The following FHIT variants were observed in gnomAD, a reference collection of about 807,000 sequenced individuals.
FHIT encodes fragile histidine triad diadenosine triphosphatase.
FHIT carries 19 observed loss-of-function variants against 17.9 expected under a neutral mutation model. The observed-to-expected ratio is 1.06, with a 90% CI of 0.74 to 1.56. The LOEUF (loss-of-function observed/expected upper bound fraction) is 1.56. FHIT is among the 40% of genes most tolerant of loss of function. The pLI, the probability that FHIT is intolerant of heterozygous loss-of-function variation, is 0.00. For missense variants in FHIT, 248 were observed against 189.2 expected, an observed-to-expected ratio of 1.31 and a Z score of -1.82; for synonymous variants, 81 against 69.7, an observed-to-expected ratio of 1.16 and a Z score of -0.81.
chr3:60,094,356 T>C (rs949124987), intron 5 of FHIT, among the ~76,000 whole-genome samples: 2 of 152,134 alleles, frequency 1.3e-5, no homozygotes, highest in African/African-American at 4.8e-5. Flanking sequence ...GTCTGCTTCA[T>C]CTGACTCCTC....
chr3:60,397,442 G>A (rs898810596), intron 5 of FHIT, among the ~76,000 whole-genome samples: 14 of 152,182 alleles, frequency 9.2e-5, no homozygotes, highest in Non-Finnish European at 7.4e-5. Context: ...GAGTCCTTGA[G>A]CCCATGTTCC....
intron 4 of FHIT, chr3:60,553,384 T>TC: frequency 1.0e-6 from 1 of 980,356 alleles, no homozygotes; most frequent in Non-Finnish European, 1.2e-6. Flanking sequence ...GCAACCCCCT[T>TC]CTTCCACTGA....
At chr3:60,212,808 T>C (rs1703517027) in intron 5 of FHIT, among the ~76,000 whole-genome samples, 1 of 152,114 alleles carries the variant, frequency 6.6e-6, no homozygotes, top group Non-Finnish European at 1.5e-5. Context: ...GAATTCAGAA[T>C]AGACAAAGAA....
intron 1 of FHIT, among the ~76,000 whole-genome samples, chr3:61,220,836 C>G (rs2039816406): frequency 6.6e-6 from 1 of 152,090 alleles, no homozygotes; most frequent in African/African-American, 2.4e-5. Flanking sequence ...ATTTGTACCC[C>G]ATGCTTTCAC....
intron 3 of FHIT, among the ~76,000 whole-genome samples, chr3:61,012,602 G>A (rs1275801002): frequency 6.6e-6 from 1 of 151,656 alleles, no homozygotes; most frequent in Non-Finnish European, 1.5e-5. Context: ...TATTTGACTT[G>A]ATATAGGAAT....
rs922493855 is a variant in FHIT, at chr3:59,884,830, CATTAATGTGAG to C, written c.348+37505_348+37515del. On this transcript the variant is annotated intron_variant, in intron 8 of 9. Coordinates refer to ENST00000492590, the MANE Select transcript of FHIT (RefSeq NM_002012.4). ...GCAGGATAGTATTAAACTGAAAGGTCATTAATGTGAGATCCTTGGGACAATATGCACTCTGT... is the reference window on the plus strand; with the variant it reads ...GCAGGATAGTATTAAACTGAAAGGTCATCCTTGGGACAATATGCACTCTGT... Among the ~76,000 whole-genome samples the C allele has an allele frequency of 2.6e-5, 4 of 152,148 alleles. No individual in the cohort carries two copies. The East Asian group carries it at 7.7e-4, about 29-fold the overall frequency.
At chr3:60,789,144 GT>G (rs1553727795) in intron 4 of FHIT, among the ~76,000 whole-genome samples, 4 of 85,664 alleles carry the variant, frequency 4.7e-5, no homozygotes, top group Admixed American at 2.1e-4. Context: ...AGAGAGAGAT[GT>G]GTGTGTGTGT....
chr3:61,170,853 T>C (rs563054442), intron 2 of FHIT, among the ~76,000 whole-genome samples: 2 of 152,308 alleles, frequency 1.3e-5, no homozygotes, highest in South Asian at 4.1e-4. Flanking sequence ...TGTGTGTTTA[T>C]AACACAATGA....
chr3:60,710,654 G>A (rs192373199), intron 4 of FHIT, among the ~76,000 whole-genome samples: 4 of 152,304 alleles, frequency 2.6e-5, no homozygotes, highest in African/African-American at 7.2e-5. Context: ...CTACACCCAC[G>A]GAGTCTCACT....
In FHIT at chr3:60,315,836, G is replaced by T. The variant is rs187885673; in HGVS notation, c.103+221024C>A. Among the ~76,000 whole-genome samples, 7 of 152,278 alleles carry T rather than the reference G, an allele frequency of 4.6e-5. No homozygotes were observed. The East Asian group carries it at 1.4e-3, about 29-fold the overall frequency. ...AGAAGTAAAGTTGCTGGATCGCAGG[G>T]CAGTGCACTCATTTGGTAAAGTATT... On this transcript the variant is annotated intron_variant, in intron 5 of 9. Coordinates refer to ENST00000492590, the MANE Select transcript of FHIT (RefSeq NM_002012.4).
At chr3:59,794,175 T>C (rs1403349694) in intron 8 of FHIT, among the ~76,000 whole-genome samples, 1 of 152,168 alleles carries the variant, frequency 6.6e-6, no homozygotes, top group Non-Finnish European at 1.5e-5. Flanking sequence ...TCTGAGAACA[T>C]CTGCAATTCT....
intron 5 of FHIT, among the ~76,000 whole-genome samples, chr3:60,401,793 A>C (rs1282120104): frequency 2.6e-5 from 4 of 152,176 alleles, no homozygotes; most frequent in Non-Finnish European, 4.4e-5. Flanking sequence ...GAAAAGATAA[A>C]AGGAAATAGA....
chr3:61,082,089 A>C (rs1294651654), intron 2 of FHIT, among the ~76,000 whole-genome samples: 3 of 152,096 alleles, frequency 2.0e-5, no homozygotes, highest in Admixed American at 2.0e-4. Flanking sequence ...TCTCCAAAAA[A>C]AAAAAGTGCT....
intron 7 of FHIT, among the ~76,000 whole-genome samples, chr3:59,998,447 T>C (rs968188349): frequency 2.0e-5 from 3 of 152,096 alleles, no homozygotes; most frequent in Admixed American, 6.6e-5. Context: ...GCAGAGACAC[T>C]AGTACTATAC....
chr3:59,800,462 A>G (rs965766183), intron 8 of FHIT, among the ~76,000 whole-genome samples: 1 of 152,226 alleles, frequency 6.6e-6, no homozygotes, highest in African/African-American at 2.4e-5. Context: ...CAGATTTTTT[A>G]ATCACTAAGC....
chr3:60,007,381 T>C (rs568647683), intron 7 of FHIT, among the ~76,000 whole-genome samples: 2 of 152,196 alleles, frequency 1.3e-5, no homozygotes, highest in Non-Finnish European at 2.9e-5. Context: ...TCCAGGAATA[T>C]TGCTGACTGC....
At chr3:60,477,666 T>G (rs938805440) in intron 5 of FHIT, among the ~76,000 whole-genome samples, 3 of 152,200 alleles carry the variant, frequency 2.0e-5, no homozygotes, top group African/African-American at 7.2e-5. Flanking sequence ...AAGATTAACT[T>G]AACCTTTTAT....
chr3:60,176,203 T>A (rs1358038067), intron 5 of FHIT, among the ~76,000 whole-genome samples: 1 of 152,060 alleles, frequency 6.6e-6, no homozygotes, highest in Non-Finnish European at 1.5e-5. Context: ...AATACAAAAA[T>A]TAGCCGGGCA....
chr3:60,421,932 C>A (rs936740466), intron 5 of FHIT, among the ~76,000 whole-genome samples: 1 of 151,986 alleles, frequency 6.6e-6, no homozygotes, highest in Non-Finnish European at 1.5e-5. Context: ...ACTGGCAAGG[C>A]GCTATCAGCC....
Sources: gnomAD v4.1 joint callset for allele counts (sites outside exome capture counted in the v4.1 genomes callset) on GRCh38, gnomAD v4.1.1 for gene constraint, MANE v1.5 for transcripts, NCBI Gene and HGNC (gene_info 2026-07-23, HGNC 2026-07-21) for gene names.